The following MOB3B variants were observed in gnomAD, a reference collection of about 807,000 sequenced individuals.
MOB3B encodes MOB kinase activator-like 2B.
In MOB3B, 7 loss-of-function variants were observed where a neutral mutation model predicts 18.7. The ratio of observed to expected loss-of-function variants is 0.37; its 90% CI spans 0.21 to 0.70. MOB3B has a LOEUF of 0.70. Among genes scored for constraint, MOB3B ranks in the 30% least tolerant of loss-of-function variants. The probability of loss-of-function intolerance (pLI) is 0.52; values close to 1 mark genes in which losing one functional copy is unlikely to be tolerated. For missense variants in MOB3B, 253 were observed against 281.3 expected (o/e 0.90, Z 0.72); for synonymous variants, 111 against 99.9 (o/e 1.11, Z -0.66).
At chr9:27,481,315 A>T (rs1274091652) in intron 1 of MOB3B, among the ~76,000 whole-genome samples, 1 of 152,188 alleles carries the variant, frequency 6.6e-6, no homozygotes, top group Non-Finnish European at 1.5e-5. Flanking sequence ...TCCAGCTAAA[A>T]GATGATGGCA....
intron 2 of MOB3B, among the ~76,000 whole-genome samples, chr9:27,399,784 A>G (rs1348821788): frequency 6.6e-6 from 1 of 152,164 alleles, no homozygotes; most frequent in African/African-American, 2.4e-5. Flanking sequence ...ATGTATTAGC[A>G]TCTCAAATTT....
At chr9:27,404,347 C>CTTTCTTTT (rs1821934409) in intron 2 of MOB3B, among the ~76,000 whole-genome samples, 1 of 75,172 alleles carries the variant, frequency 1.3e-5, no homozygotes, top group Non-Finnish European at 2.4e-5. Flanking sequence ...TTCTTTCTTT[C>CTTTCTTTT]TTTTTTTTTT....
intron 2 of MOB3B, among the ~76,000 whole-genome samples, chr9:27,384,692 C>G (rs918708102): frequency 6.6e-6 from 1 of 152,204 alleles, no homozygotes; most frequent in African/African-American, 2.4e-5. Context: ...CCAATGGCTC[C>G]CTCCAGTATT....
intron 3 of MOB3B, among the ~76,000 whole-genome samples, chr9:27,355,336 G>A (rs558541407): frequency 3.9e-5 from 6 of 152,224 alleles, no homozygotes; most frequent in East Asian, 3.9e-4. Context: ...CACCGGTGGC[G>A]TGGGAACTCT....
chr9:27,357,145 T>G (rs1821203421), intron 3 of MOB3B, among the ~76,000 whole-genome samples: 2 of 71,332 alleles, frequency 2.8e-5, no homozygotes, highest in African/African-American at 1.0e-4. Flanking sequence ...TATATATATA[T>G]GTGTTTTTTT....
chr9:27,528,275 C>T (rs1686903126), intron 1 of MOB3B, among the ~76,000 whole-genome samples: 1 of 152,218 alleles, frequency 6.6e-6, no homozygotes, highest in Admixed American at 6.5e-5. Flanking sequence ...CCAAAGGTGC[C>T]CCGATCCCCT....
At chr9:27,333,026 A>T (rs1300081484) in intron 3 of MOB3B, among the ~76,000 whole-genome samples, 3 of 152,214 alleles carry the variant, frequency 2.0e-5, no homozygotes, top group Non-Finnish European at 4.4e-5. Flanking sequence ...ATCCAGACTG[A>T]TGCCAGTTTG....
chr9:27,509,486 G>A (rs377264159), intron 1 of MOB3B, among the ~76,000 whole-genome samples: 10 of 152,068 alleles, frequency 6.6e-5, no homozygotes, highest in East Asian at 5.8e-4. Flanking sequence ...GTGCGATCTC[G>A]GCTCACTTCA....
chr9:27,362,073 C>T (rs537938397), intron 2 of MOB3B, among the ~76,000 whole-genome samples: 95 of 152,282 alleles, frequency 6.2e-4, no homozygotes, highest in Non-Finnish European at 8.1e-4. Context: ...TGTCTCCAAG[C>T]GGCTCTGTTC....
rs183945459 is a variant in MOB3B, at chr9:27,447,290, T to C, written c.418+7843A>G. On this transcript the variant is annotated intron_variant, in intron 2 of 3. Transcript: ENST00000262244. ...GATACACCCCTTAAAGCTTGACACT[T>C]AGACAGCCTGCCTCTCCAAGCTCTA... 3.5e-4 allele frequency among the ~76,000 whole-genome samples: 53 copies of C among 152,270 alleles called. 1 individual carries two copies. Among genetic ancestry groups the C allele is most frequent in the Non-Finnish European group, 5.4e-4 (37 of 68,012 alleles).
intron 1 of MOB3B, among the ~76,000 whole-genome samples, chr9:27,482,850 T>C (rs1819681481): frequency 6.6e-6 from 1 of 152,122 alleles, no homozygotes; most frequent in Admixed American, 6.5e-5. Context: ...AGAAGGCACA[T>C]GGGGAAAATG....
intron 2 of MOB3B, among the ~76,000 whole-genome samples, chr9:27,417,647 C>T (rs1435885810): frequency 6.6e-6 from 1 of 152,276 alleles, no homozygotes; most frequent in Non-Finnish European, 1.5e-5. Context: ...AATGCTAGTA[C>T]TTTGGACTCT....
intron 1 of MOB3B, among the ~76,000 whole-genome samples, chr9:27,518,732 G>C (rs1302173076): frequency 6.6e-6 from 1 of 152,146 alleles, no homozygotes; most frequent in Non-Finnish European, 1.5e-5. Context: ...CAGCTACAGG[G>C]AGCATCATGT....
chr9:27,384,876 G>T (rs1473497333), intron 2 of MOB3B, among the ~76,000 whole-genome samples: 4 of 152,202 alleles, frequency 2.6e-5, no homozygotes, highest in African/African-American at 9.7e-5. Context: ...GTGAGGGTGA[G>T]ACGCTGAGCC....
intron 2 of MOB3B, among the ~76,000 whole-genome samples, chr9:27,413,507 C>T (rs1822104085): frequency 6.6e-6 from 1 of 152,076 alleles, no homozygotes; most frequent in African/African-American, 2.4e-5. Flanking sequence ...CGAGTTATGC[C>T]CACTGATAAA....
intron 2 of MOB3B, among the ~76,000 whole-genome samples, chr9:27,381,029 A>T (rs569016700): frequency 6.6e-6 from 1 of 152,224 alleles, no homozygotes; most frequent in South Asian, 2.1e-4. Flanking sequence ...CTTTGGAGGA[A>T]CTTGTTTAAC....
At chr9:27,438,468 G>A (rs1563868738) in intron 2 of MOB3B, among the ~76,000 whole-genome samples, 1 of 152,186 alleles carries the variant, frequency 6.6e-6, no homozygotes, top group Non-Finnish European at 1.5e-5. Flanking sequence ...GGTGCCTGAA[G>A]GAGACCTAGC....
Position 27,529,754 on chromosome 9 carries a change from G to T in MOB3B, c.-398C>A, listed in dbSNP as rs1050946995. 9.1e-6 allele frequency: 9 copies of T among 985,346 alleles called. No homozygotes were observed. The highest frequency in any genetic ancestry group is 9.6e-6 in the Non-Finnish European group (8 of 829,978). 61.0% of individuals were successfully genotyped at this position (985,346 alleles called of 1,614,324 possible). A position where few individuals can be genotyped will look rare whatever the true frequency, so the allele number is the denominator to read the frequency against. On this transcript the variant is annotated 5_prime_UTR_variant, in exon 1 of 4. Coordinates refer to ENST00000262244, the MANE Select transcript of MOB3B (RefSeq NM_024761.5). The stretch of plus-strand genomic sequence containing the variant: ...GCGCCTGGCTCCAGCTGCAGCCGCC[G>T]TCGCTCCGGAGCAGCCCCCTCATGC...
intron 1 of MOB3B, among the ~76,000 whole-genome samples, chr9:27,523,226 G>A (rs185937747): frequency 6.6e-6 from 1 of 152,008 alleles, no homozygotes; most frequent in African/African-American, 2.4e-5. Flanking sequence ...TCAGAGGAAG[G>A]TTATTTGGTC....
Sources: allele counts gnomAD v4.1 joint callset (sites outside exome capture counted in the v4.1 genomes callset), GRCh38; gene constraint gnomAD v4.1.1; transcripts MANE v1.5; gene names NCBI Gene and HGNC (gene_info 2026-07-23, HGNC 2026-07-21).